CREB5: variants seen among roughly 807,000 people sequenced by gnomAD.
CREB5 encodes cyclic AMP-responsive element-binding protein 5.
Under a neutral mutation model 57.1 loss-of-function variants are expected in CREB5, and 19 were observed. The observed-to-expected ratio is 0.33, with a 90% confidence interval of 0.23 to 0.49. CREB5 has a LOEUF of 0.49. CREB5 is among the 20% of genes least tolerant of loss of function. The pLI, the probability that CREB5 is intolerant of heterozygous loss-of-function variation, is 0.99. For missense variants in CREB5, 579 were observed against 671.6 expected, an observed-to-expected ratio of 0.86 and a Z score of 1.52; for synonymous variants, 238 against 238.3, an observed-to-expected ratio of 1.00 and a Z score of 0.01.
chr7:28,300,669 A>G (rs574159648), intron 1 of CREB5, among the ~76,000 whole-genome samples: 2 of 152,228 alleles, frequency 1.3e-5, no homozygotes, highest in African/African-American at 4.8e-5. Context: ...CTGGTTGAGC[A>G]TTAGTGTGTG....
At chr7:28,648,325 A>G (rs887716545) in intron 5 of CREB5, among the ~76,000 whole-genome samples, 12 of 152,168 alleles carry the variant, frequency 7.9e-5, no homozygotes, top group African/African-American at 2.7e-4. Flanking sequence ...AATGGGATTT[A>G]GCCTTTAAAA....
intron 5 of CREB5, among the ~76,000 whole-genome samples, chr7:28,608,147 ACACACACACT>A: frequency 6.9e-6 from 1 of 145,436 alleles, no homozygotes; most frequent in African/African-American, 2.7e-5. Context: ...ACACACACAC[ACACACACACT>A]CTCAAACTTT....
At chr7:28,557,120 T>C (rs898311196) in intron 4 of CREB5, among the ~76,000 whole-genome samples, 2 of 149,220 alleles carry the variant, frequency 1.3e-5, no homozygotes, top group African/African-American at 4.9e-5. Flanking sequence ...GCTCCTCACA[T>C]TACCCAGTTT....
intron 9 of CREB5, among the ~76,000 whole-genome samples, chr7:28,812,341 A>C (rs573699530): frequency 1.3e-5 from 2 of 152,366 alleles, no homozygotes; most frequent in East Asian, 3.9e-4. Context: ...AAAGATGTCC[A>C]CAGACTTTGA....
intron 1 of CREB5, among the ~76,000 whole-genome samples, chr7:28,448,218 C>CT (rs1274528766): frequency 6.6e-6 from 1 of 152,220 alleles, no homozygotes; most frequent in Non-Finnish European, 1.5e-5. Context: ...AAGTTCTTCA[C>CT]TTTTGGGACT....
At position 28,488,517 on chromosome 7, in the gene CREB5, G is replaced by A. The variant is rs535685176; in HGVS notation, c.75+271G>A. On this transcript the variant is annotated intron_variant, in intron 2 of 10. Transcript: ENST00000357727. ...TTACTTCCTCCTGGAAGCAAGCCAGGTGTATCCTGCCCACCAAATATGCAG... is the reference window on the plus strand; with the variant it reads ...TTACTTCCTCCTGGAAGCAAGCCAGATGTATCCTGCCCACCAAATATGCAG... Among the ~76,000 whole-genome samples, 10 of 152,316 alleles carry A rather than the reference G, an allele frequency of 6.6e-5. No homozygotes were observed. The East Asian group carries it at 1.9e-3, about 29-fold the overall frequency.
intron 7 of CREB5, among the ~76,000 whole-genome samples, chr7:28,737,596 T>C (rs1490096511): frequency 7.4e-6 from 1 of 135,188 alleles, no homozygotes; most frequent in Non-Finnish European, 1.6e-5. Flanking sequence ...TATTTTTAAC[T>C]CCTGTTTCAA....
intron 5 of CREB5, among the ~76,000 whole-genome samples, chr7:28,575,368 A>T (rs748654413): frequency 2.0e-5 from 3 of 152,186 alleles, no homozygotes; most frequent in Non-Finnish European, 4.4e-5. Flanking sequence ...AAGTGGGTAA[A>T]TGATGCCATC....
intron 1 of CREB5, among the ~76,000 whole-genome samples, chr7:28,429,745 T>C (rs1458593141): frequency 1.3e-5 from 2 of 152,242 alleles, no homozygotes; most frequent in African/African-American, 4.8e-5. Flanking sequence ...CTTTGTTGCA[T>C]TTCTGTGGAC....
intron 1 of CREB5, among the ~76,000 whole-genome samples, chr7:28,404,204 T>C (rs1040008806): frequency 3.2e-4 from 49 of 152,366 alleles, no homozygotes; most frequent in African/African-American, 1.0e-3. Flanking sequence ...TGGGCCGCCC[T>C]ATCTTTCTCT....
intron 5 of CREB5, among the ~76,000 whole-genome samples, chr7:28,669,060 C>T (rs541393885): frequency 5.9e-5 from 9 of 152,272 alleles, no homozygotes; most frequent in Non-Finnish European, 1.2e-4. Context: ...CTTGAGGTAC[C>T]AGGAACCCTT....
At chr7:28,545,894 TTC>T (rs1279874407) in intron 4 of CREB5, among the ~76,000 whole-genome samples, 2 of 152,238 alleles carry the variant, frequency 1.3e-5, no homozygotes, top group African/African-American at 4.8e-5. Context: ...TTTTAAAGAT[TTC>T]TTTTTGTTGC....
chr7:28,472,175 T>A (rs965925139), intron 1 of CREB5, among the ~76,000 whole-genome samples: 4 of 148,438 alleles, frequency 2.7e-5, no homozygotes, highest in Non-Finnish European at 4.5e-5. Context: ...AACATAGTAA[T>A]GAGATTGTCT....
intron 1 of CREB5, among the ~76,000 whole-genome samples, chr7:28,308,935 G>A (rs984391848): frequency 6.6e-6 from 1 of 152,158 alleles, no homozygotes; most frequent in Non-Finnish European, 1.5e-5. Flanking sequence ...ACATTTAAGT[G>A]GGTGGATTTT....
At chr7:28,762,401 C>G (rs1337247564) in intron 7 of CREB5, among the ~76,000 whole-genome samples, 1 of 152,050 alleles carries the variant, frequency 6.6e-6, no homozygotes, top group Non-Finnish European at 1.5e-5. Flanking sequence ...TTCCAGCAAC[C>G]CTTTATTTTG....
chr7:28,597,704 C>A (rs560999126), intron 5 of CREB5, among the ~76,000 whole-genome samples: 97 of 152,246 alleles, frequency 6.4e-4, no homozygotes, highest in African/African-American at 2.3e-3. Context: ...AGAGCCTCCC[C>A]AGTCTCCTGA....
chr7:28,744,419 C>T (rs1009756217), intron 7 of CREB5, among the ~76,000 whole-genome samples: 1 of 144,208 alleles, frequency 6.9e-6, no homozygotes, highest in Admixed American at 7.3e-5. Flanking sequence ...GCGACCTCAG[C>T]TCACTGCAGC....
rs1262154228 is a variant in CREB5 at position 28,818,452 on chromosome 7, C to T, written c.1363+273C>T. Among the ~76,000 whole-genome samples the T allele has an allele frequency of 3.3e-5, 5 of 152,174 alleles. No homozygotes were observed. The South Asian group carries it at 1.0e-3, about 32-fold the overall frequency. ...AAAGAAATACCAAATTCCAATTTTG[C>T]AGCCAGTAAGAAAAGAGCCAGCTGA... On this transcript the variant is annotated intron_variant, in intron 10 of 10. Transcript: ENST00000357727.
At chr7:28,808,421 C>T (rs1808881357) in intron 8 of CREB5, among the ~76,000 whole-genome samples, 1 of 152,246 alleles carries the variant, frequency 6.6e-6, no homozygotes, top group South Asian at 2.1e-4. Flanking sequence ...AAGGAGCCCA[C>T]AACCTGCTCA....
Sources: gnomAD v4.1 joint callset for allele counts (sites outside exome capture counted in the v4.1 genomes callset) on GRCh38, gnomAD v4.1.1 for gene constraint, MANE v1.5 for transcripts, NCBI Gene and HGNC (gene_info 2026-07-23, HGNC 2026-07-21) for gene names.